Variants in BRD10 observed in about 807,000 individuals in gnomAD.
The protein encoded by BRD10 is bromodomain containing 10.
chr9:5,942,598 T>TG, the BRD10 span, among the ~76,000 whole-genome samples: 1 of 152,240 alleles, frequency 6.6e-6, no homozygotes, highest in Non-Finnish European at 1.5e-5. Context: ...TAAGATAGTC[T>TG]GTTCATGTAA....
chr9:5,949,517 G>C, the BRD10 span, among the ~76,000 whole-genome samples: 10 of 152,324 alleles, frequency 6.6e-5, no homozygotes, highest in East Asian at 1.7e-3. Context: ...TTAAGGATCA[G>C]TGAGTTTTTT....
At chr9:5,943,591 A>C in the BRD10 span, among the ~76,000 whole-genome samples, 2 of 151,964 alleles carry the variant, frequency 1.3e-5, no homozygotes, top group Admixed American at 1.3e-4. Context: ...TGACATTTAC[A>C]TAACATAAAT....
the BRD10 span, among the ~76,000 whole-genome samples, chr9:5,990,661 TAAAAG>T: frequency 6.6e-6 from 1 of 152,188 alleles, no homozygotes; most frequent in African/African-American, 2.4e-5. Context: ...TACTCATAAT[TAAAAG>T]AAAATCCAAC....
the BRD10 span, chr9:5,898,928 T>A: frequency 6.6e-6 from 1 of 152,200 alleles, no homozygotes; most frequent in East Asian, 1.9e-4. Flanking sequence ...TAATAGTATT[T>A]TTTTCTTCTT....
chr9:5,934,156 T>C, the BRD10 span, among the ~76,000 whole-genome samples: 14 of 151,204 alleles, frequency 9.3e-5, no homozygotes, highest in African/African-American at 3.2e-4. Flanking sequence ...ATTGTGGAGA[T>C]AACATTTTTA....
the BRD10 span, among the ~76,000 whole-genome samples, chr9:5,883,095 A>G: frequency 6.6e-6 from 1 of 152,132 alleles, no homozygotes; most frequent in East Asian, 1.9e-4. Flanking sequence ...CCAACATGGC[A>G]CATGTATACA....
At chr9:5,972,602 T>C in the BRD10 span, among the ~76,000 whole-genome samples, 2 of 152,164 alleles carry the variant, frequency 1.3e-5, no homozygotes, top group Non-Finnish European at 1.5e-5. Flanking sequence ...AAAATGGGCC[T>C]GGCACCTTCC....
At chr9:5,994,172 AAT>A in the BRD10 span, among the ~76,000 whole-genome samples, 1 of 152,176 alleles carries the variant, frequency 6.6e-6, no homozygotes, top group Non-Finnish European at 1.5e-5. Context: ...TACCATCAAT[AAT>A]GTTAAAAAAT....
chr9:5,899,080 CT>C, the BRD10 span: 1 of 152,174 alleles, frequency 6.6e-6, no homozygotes. Context: ...CCAGGTAGCA[CT>C]TCAGCACTTC....
the BRD10 span, among the ~76,000 whole-genome samples, chr9:5,914,790 G>C: frequency 2.0e-5 from 3 of 152,022 alleles, no homozygotes; most frequent in Non-Finnish European, 4.4e-5. Context: ...CCCAGAATTA[G>C]ATCCATTTAA....
chr9:5,945,433 GGGGTTGCTAAAAGGAC>G, the BRD10 span, among the ~76,000 whole-genome samples: 1 of 152,034 alleles, frequency 6.6e-6, no homozygotes, highest in African/African-American at 2.4e-5. Context: ...TATTGCTGTT[GGGGTTGCTAAAAGGAC>G]TGCAACTATA....
chr9:5,960,915 C>G, the BRD10 span, among the ~76,000 whole-genome samples: 1 of 152,066 alleles, frequency 6.6e-6, no homozygotes, highest in Non-Finnish European at 1.5e-5. Flanking sequence ...CAAAGATGTT[C>G]ATGGTATACT....
At chr9:5,883,545 A>C in the BRD10 span, among the ~76,000 whole-genome samples, 1 of 143,460 alleles carries the variant, frequency 7.0e-6, no homozygotes, top group Non-Finnish European at 1.5e-5. Context: ...AGCTCACTAC[A>C]ACCTCATTCT....
chr9:6,001,069 G>A, the BRD10 span, among the ~76,000 whole-genome samples: 2 of 152,064 alleles, frequency 1.3e-5, no homozygotes, highest in Non-Finnish European at 2.9e-5. Context: ...ACCACCAGCT[G>A]GGCTCAAATG....
chr9:5,921,538 A>G, the BRD10 span: 16 of 1,613,850 alleles, frequency 9.9e-6, no homozygotes, highest in Non-Finnish European at 1.3e-5. Context: ...TTGCAGTTCC[A>G]TTGCCAGAAG....
At chr9:5,905,712 T>C in the BRD10 span, among the ~76,000 whole-genome samples, 377 of 152,346 alleles carry the variant, frequency 2.5e-3, 1 homozygote, top group African/African-American at 8.8e-3. Context: ...TGCTTTGCCA[T>C]GTCCTGCCTT....
chr9:5,999,991 G>T, the BRD10 span, among the ~76,000 whole-genome samples: 1 of 152,080 alleles, frequency 6.6e-6, no homozygotes, highest in Admixed American at 6.6e-5. Context: ...GGTTTATTCA[G>T]AATTGTAAAT....
chr9:5,879,695 G>T, the BRD10 span, among the ~76,000 whole-genome samples: 1 of 152,060 alleles, frequency 6.6e-6, no homozygotes, highest in East Asian at 1.9e-4. Flanking sequence ...ATGAGCTCAG[G>T]GATGACTCAC....
the BRD10 span, chr9:5,920,399 T>C: frequency 3.1e-5 from 50 of 1,613,886 alleles, no homozygotes; most frequent in Admixed American, 6.8e-4. Flanking sequence ...TTCACTGAAC[T>C]GACTCCCGAC....
Sources: gnomAD v4.1 joint callset for allele counts (sites outside exome capture counted in the v4.1 genomes callset) on GRCh38, gnomAD v4.1.1 for gene constraint, MANE v1.5 for transcripts, NCBI Gene and HGNC (gene_info 2026-07-23, HGNC 2026-07-21) for gene names.